Variants in YPEL2 observed in about 807,000 individuals in gnomAD.
The protein encoded by YPEL2 is yippee like 2.
YPEL2 carries 2 observed loss-of-function variants against 19.1 expected under a neutral mutation model. That is an observed-to-expected ratio of 0.10 (90% CI 0.04 to 0.33). The LOEUF (loss-of-function observed/expected upper bound fraction) is 0.33, where lower values mean the gene tolerates loss of function less well. Among genes scored for constraint, YPEL2 ranks in the 10% least tolerant of loss-of-function variants. The pLI is 1.00. For synonymous variants in YPEL2, 52 were observed against 50.0 expected, an observed-to-expected ratio of 1.04 and a Z score of -0.17; for missense variants, 66 against 140.7, an observed-to-expected ratio of 0.47 and a Z score of 2.68.
chr17:59,339,385 T>C (rs2047716220), intron 1 of YPEL2, among the ~76,000 whole-genome samples: 1 of 152,210 alleles, frequency 6.6e-6, no homozygotes, highest in African/African-American at 2.4e-5. Flanking sequence ...AGCTAAGTGC[T>C]TCATTAGCAG....
chr17:59,393,767 C>T (rs376102701), intron 4 of YPEL2, among the ~76,000 whole-genome samples: 20 of 149,594 alleles, frequency 1.3e-4, no homozygotes, highest in African/African-American at 4.2e-4. Context: ...CATCTTGCAC[C>T]GCCCTTAATC....
chr17:59,394,746 G>C (rs1435414758), intron 4 of YPEL2, among the ~76,000 whole-genome samples: 1 of 152,240 alleles, frequency 6.6e-6, no homozygotes, highest in Admixed American at 6.5e-5. Context: ...GCGGCTGGGA[G>C]GTGGAGGTTG....
chr17:59,381,302 G>A (rs897363815), intron 2 of YPEL2, among the ~76,000 whole-genome samples: 46 of 152,284 alleles, frequency 3.0e-4, no homozygotes, highest in African/African-American at 1.1e-3. Context: ...GCAGGTGGGC[G>A]TCTGCTTTCC....
intron 2 of YPEL2, among the ~76,000 whole-genome samples, chr17:59,387,067 C>G (rs920451964): frequency 6.6e-6 from 1 of 152,046 alleles, no homozygotes; most frequent in African/African-American, 2.4e-5. Flanking sequence ...GAAGACCAGT[C>G]TGGCCAACAT....
intron 2 of YPEL2, among the ~76,000 whole-genome samples, chr17:59,371,630 G>T: frequency 6.6e-6 from 1 of 152,142 alleles, no homozygotes; most frequent in East Asian, 1.9e-4. Flanking sequence ...CCTTGGGCTG[G>T]GTTGAACTGA....
At chr17:59,368,488 T>TC (rs1201968558) in intron 2 of YPEL2, among the ~76,000 whole-genome samples, 4 of 152,328 alleles carry the variant, frequency 2.6e-5, no homozygotes, top group African/African-American at 9.6e-5. Flanking sequence ...AAGTGATTGT[T>TC]CCAGATGTTA....
At chr17:59,347,638 C>T (rs1358438487) in intron 1 of YPEL2, among the ~76,000 whole-genome samples, 1 of 152,232 alleles carries the variant, frequency 6.6e-6, no homozygotes, top group South Asian at 2.1e-4. Context: ...GGAAGCACCT[C>T]TTAGAAGGAC....
chr17:59,340,835 C>T (rs1422222679), intron 1 of YPEL2, among the ~76,000 whole-genome samples: 1 of 151,734 alleles, frequency 6.6e-6, no homozygotes, highest in Non-Finnish European at 1.5e-5. Flanking sequence ...CTGCCTCACC[C>T]TCCCAAGTAG....
intron 2 of YPEL2, among the ~76,000 whole-genome samples, chr17:59,375,918 G>A (rs1332265866): frequency 3.9e-5 from 6 of 152,182 alleles, no homozygotes; most frequent in Non-Finnish European, 8.8e-5. Flanking sequence ...TTGGGACTTA[G>A]AGTCAAAAGC....
chr17:59,348,792 C>T (rs1360710795), intron 1 of YPEL2, among the ~76,000 whole-genome samples: 4 of 152,096 alleles, frequency 2.6e-5, no homozygotes, highest in African/African-American at 4.8e-5. Flanking sequence ...GAGTTGGACT[C>T]ATGAAGCCCC....
chr17:59,349,358 C>CTTTTTTTT (rs58304283), intron 1 of YPEL2, among the ~76,000 whole-genome samples: 118 of 119,226 alleles, frequency 9.9e-4, no homozygotes, highest in Middle Eastern at 5.1e-3. Context: ...CCTTTTTTTT[C>CTTTTTTTT]TTTTTTTTTT....
chr17:59,395,196 G>A (rs1200314710), intron 4 of YPEL2, among the ~76,000 whole-genome samples: 1 of 150,030 alleles, frequency 6.7e-6, no homozygotes, highest in Non-Finnish European at 1.5e-5. Flanking sequence ...ACATTGCTCT[G>A]TCATGTGTAT....
chr17:59,394,355 C>T (rs1389674250), intron 4 of YPEL2, among the ~76,000 whole-genome samples: 3 of 148,386 alleles, frequency 2.0e-5, no homozygotes, highest in Non-Finnish European at 3.0e-5. Context: ...CGGGCAGAGG[C>T]GCTCCTCACA....
intron 2 of YPEL2, among the ~76,000 whole-genome samples, chr17:59,376,835 G>C (rs1484331859): frequency 6.6e-6 from 1 of 151,096 alleles, no homozygotes. Context: ...TGTACTCCCA[G>C]CTGCTTGGGA....
intron 1 of YPEL2, among the ~76,000 whole-genome samples, chr17:59,347,545 A>AG (rs1185640245): frequency 1.3e-5 from 2 of 152,240 alleles, no homozygotes; most frequent in African/African-American, 4.8e-5. Context: ...GGTGGATTTG[A>AG]GGGGGAAAGA....
At chr17:59,384,401 A>G (rs1425206049) in intron 2 of YPEL2, among the ~76,000 whole-genome samples, 2 of 152,196 alleles carry the variant, frequency 1.3e-5, no homozygotes, top group Admixed American at 6.5e-5. Context: ...ACTTCATCTC[A>G]TATGCAAAAC....
At chr17:59,364,584 C>T (rs2072920857) in intron 2 of YPEL2, among the ~76,000 whole-genome samples, 1 of 149,780 alleles carries the variant, frequency 6.7e-6, no homozygotes, top group African/African-American at 2.5e-5. Flanking sequence ...CATTTAGTAG[C>T]TGTGTACATT....
intron 2 of YPEL2, among the ~76,000 whole-genome samples, chr17:59,374,024 T>G (rs187255712): frequency 6.6e-6 from 1 of 152,328 alleles, no homozygotes; most frequent in African/African-American, 2.4e-5. Context: ...GCATCTATTC[T>G]CTTGAGAATA....
chr17:59,384,456 A>G (rs1398010425), intron 2 of YPEL2, among the ~76,000 whole-genome samples: 3 of 152,180 alleles, frequency 2.0e-5, no homozygotes, highest in Non-Finnish European at 4.4e-5. Flanking sequence ...TTAAAAAAAT[A>G]AGATTGGCCT....
Sources: gnomAD v4.1 joint callset for allele counts (sites outside exome capture counted in the v4.1 genomes callset) on GRCh38, gnomAD v4.1.1 for gene constraint, MANE v1.5 for transcripts, NCBI Gene and HGNC (gene_info 2026-07-23, HGNC 2026-07-21) for gene names.